The following PAK1 variants were observed in gnomAD, a reference collection of about 807,000 sequenced individuals.
PAK1 encodes the protein p21 (RAC1) activated kinase 1.
PAK1 carries 29 observed loss-of-function variants against 67.4 expected under a neutral mutation model. That is an observed-to-expected ratio of 0.43 (90% confidence interval 0.32 to 0.59). The LOEUF (loss-of-function observed/expected upper bound fraction) is 0.59. PAK1 is among the 20% of genes least tolerant of loss of function. The pLI is 0.07. For synonymous variants in PAK1, 223 were observed against 237.4 expected (o/e 0.94, Z 0.56); for missense variants, 337 against 670.7 (o/e 0.50, Z 5.50).
At chr11:77,451,084 A>G (rs557844900) in intron 1 of PAK1, among the ~76,000 whole-genome samples, 1 of 152,264 alleles carries the variant, frequency 6.6e-6, no homozygotes, top group Non-Finnish European at 1.5e-5. Flanking sequence ...AGAAGACAGA[A>G]CTAAGTCTTC....
chr11:77,329,583 A>G (rs901374978), intron 14 of PAK1, among the ~76,000 whole-genome samples: 1 of 152,032 alleles, frequency 6.6e-6, no homozygotes, highest in African/African-American at 2.4e-5. Context: ...AAATTCAACA[A>G]CCCTTCATGC....
At chr11:77,450,044 T>C (rs539544803) in intron 1 of PAK1, among the ~76,000 whole-genome samples, 6 of 152,166 alleles carry the variant, frequency 3.9e-5, no homozygotes, top group Admixed American at 3.9e-4. Flanking sequence ...TTCAGACTCC[T>C]TTTCTGCGAA....
At chr11:77,369,264 AATTTTTTCTTCT>A (rs200032238) in intron 5 of PAK1, among the ~76,000 whole-genome samples, 1,534 of 151,592 alleles carry the variant, frequency 0.01, 9 homozygotes, top group Non-Finnish European at 0.015. Context: ...TTCAGCTGGG[AATTTTTTCTTCT>A]ATTTTTTCTT....
At chr11:77,331,766 C>T (rs1462504341) in intron 14 of PAK1, among the ~76,000 whole-genome samples, 1 of 73,260 alleles carries the variant, frequency 1.4e-5, no homozygotes, top group Non-Finnish European at 2.7e-5. Context: ...GCACATGTAC[C>T]CTAAAACTTA....
intron 1 of PAK1, among the ~76,000 whole-genome samples, chr11:77,439,063 G>A (rs1198430842): frequency 6.6e-6 from 1 of 152,116 alleles, no homozygotes; most frequent in Admixed American, 6.5e-5. Context: ...TCATGTGAGA[G>A]GCCAGTGATT....
intron 2 of PAK1, among the ~76,000 whole-genome samples, chr11:77,390,752 T>C (rs978163363): frequency 6.8e-6 from 1 of 148,066 alleles, no homozygotes; most frequent in Non-Finnish European, 1.5e-5. Flanking sequence ...TCCTCCCACC[T>C]CGGCCTCCCA....
intron 1 of PAK1, among the ~76,000 whole-genome samples, chr11:77,445,076 AGGGT>A (rs1956536946): frequency 6.6e-6 from 1 of 152,240 alleles, no homozygotes; most frequent in South Asian, 2.1e-4. Flanking sequence ...TGAGGTCATT[AGGGT>A]GGACCCTAAT....
the PAK1 span, among the ~76,000 whole-genome samples, chr11:77,515,125 T>TGAA: frequency 6.6e-6 from 1 of 152,364 alleles, no homozygotes; most frequent in East Asian, 1.9e-4. Context: ...ATAGGAATAA[T>TGAA]AGCTCAACTT....
chr11:77,494,269 A>G, the PAK1 span, among the ~76,000 whole-genome samples: 1 of 152,218 alleles, frequency 6.6e-6, no homozygotes, highest in South Asian at 2.1e-4. Flanking sequence ...ACACCCATAC[A>G]ACTGAATACT....
In PAK1 at chr11:77,377,614, T is replaced by C. The variant is rs1267813528; in HGVS notation, c.439+1627A>G. ...TGAATACCTGAGTGGACTTTATCTT[T>C]GTTCATGAATACTTAAGTAGGCTTT... On this transcript the variant is annotated intron_variant, in intron 4 of 14. Coordinates refer to ENST00000356341, the MANE Select transcript of PAK1 (RefSeq NM_002576.5). 2.0e-5 allele frequency among the ~76,000 whole-genome samples: 3 copies of C among 152,160 alleles called. No individual in the cohort carries two copies. The East Asian group carries it at 5.8e-4, about 29-fold the overall frequency.
Position 77,351,164 on chromosome 11 carries a change from T to A in PAK1, c.837-1877A>T, listed in dbSNP as rs185816839. Among the ~76,000 whole-genome samples, 842 of 152,320 alleles carry A rather than the reference T, an allele frequency of 5.5e-3. 8 individuals carry two copies. Among genetic ancestry groups the A allele is most frequent in the African/African-American group, 0.02 (812 of 41,586 alleles). On this transcript the variant is annotated intron_variant, in intron 8 of 14. Coordinates refer to ENST00000356341, the MANE Select transcript of PAK1 (RefSeq NM_002576.5). ...TCATATTGGTGTGACAGTTATATTTTAAAAATTATGCAATGTGGAAACATC... is the reference window on the plus strand; with the variant it reads ...TCATATTGGTGTGACAGTTATATTTAAAAAATTATGCAATGTGGAAACATC...
At chr11:77,405,641 TCTC>T (rs1953383685) in intron 1 of PAK1, among the ~76,000 whole-genome samples, 1 of 148,970 alleles carries the variant, frequency 6.7e-6, no homozygotes, top group Admixed American at 6.7e-5. Flanking sequence ...AGTTTTGGCA[TCTC>T]CTATTCAAAG....
chr11:77,336,805 C>T (rs1942766802), intron 12 of PAK1, among the ~76,000 whole-genome samples: 1 of 152,046 alleles, frequency 6.6e-6, no homozygotes, highest in African/African-American at 2.4e-5. Context: ...CTGGTCTTTA[C>T]ACCTTTGAAC....
chr11:77,415,194 G>C (rs184486101), intron 1 of PAK1, among the ~76,000 whole-genome samples: 3 of 152,164 alleles, frequency 2.0e-5, no homozygotes, highest in Non-Finnish European at 2.9e-5. Flanking sequence ...ACATCTATTA[G>C]AATAACTAAA....
Position 77,333,019 on chromosome 11 carries a change from A to G in PAK1, c.1414-152T>C, listed in dbSNP as rs1298342809. ...ATACTGGAAAGAGTATGACCTAAGG[A>G]TCAGGTTGAACATTTAAAGGCCATG... On this transcript the variant is annotated intron_variant, in intron 13 of 14. Transcript: ENST00000356341. 42 of 670,758 alleles carry G rather than the reference A, an allele frequency of 6.3e-5. 1 individual carries two copies. The South Asian group carries it at 8.7e-4, about 14-fold the overall frequency. 41.6% of individuals were successfully genotyped at this position (670,758 alleles called of 1,614,324 possible).
At chr11:77,528,357 T>G in the PAK1 span, among the ~76,000 whole-genome samples, 1 of 151,564 alleles carries the variant, frequency 6.6e-6, no homozygotes, top group South Asian at 2.1e-4. Context: ...GTGTTACATA[T>G]GTCTCTTTTT....
intron 8 of PAK1, among the ~76,000 whole-genome samples, chr11:77,350,947 T>C (rs962360707): frequency 1.3e-5 from 2 of 152,080 alleles, no homozygotes; most frequent in African/African-American, 2.4e-5. Flanking sequence ...AGGACAAACA[T>C]GCCCAAGCCT....
At chr11:77,326,694 G>A (rs1591636576) in intron 14 of PAK1, among the ~76,000 whole-genome samples, 1 of 152,082 alleles carries the variant, frequency 6.6e-6, no homozygotes, top group Non-Finnish European at 1.5e-5. Flanking sequence ...CGAAAAAACA[G>A]AGCAGAAAAA....
chr11:77,512,046 T>C, the PAK1 span, among the ~76,000 whole-genome samples: 149 of 152,260 alleles, frequency 9.8e-4, no homozygotes, highest in Non-Finnish European at 1.9e-3. Context: ...TCACTTTATG[T>C]TCTGGGGCTT....
Sources: gnomAD v4.1 joint callset for allele counts (sites outside exome capture counted in the v4.1 genomes callset) on GRCh38, gnomAD v4.1.1 for gene constraint, MANE v1.5 for transcripts, NCBI Gene and HGNC (gene_info 2026-07-23, HGNC 2026-07-21) for gene names.